The following TOM1L2 variants were observed in gnomAD, a reference collection of about 807,000 sequenced individuals.
TOM1L2 encodes target of myb1 like 2 membrane trafficking protein.
In TOM1L2, 31 loss-of-function variants were observed where a neutral mutation model predicts 67.9. The observed-to-expected ratio is 0.46, with a 90% CI of 0.34 to 0.62. The LOEUF is 0.62. Among genes scored for constraint, TOM1L2 ranks in the 20% least tolerant of loss-of-function variants. The pLI is 0.01. For synonymous variants in TOM1L2, 256 were observed against 254.0 expected, an observed-to-expected ratio of 1.01 and a Z score of -0.07; for missense variants, 606 against 663.5, an observed-to-expected ratio of 0.91 and a Z score of 0.95.
At chr17:17,968,872 A>G (rs1053395260) in intron 1 of TOM1L2, among the ~76,000 whole-genome samples, 6 of 151,682 alleles carry the variant, frequency 4.0e-5, no homozygotes, top group African/African-American at 1.5e-4. Context: ...CAGAGTTCCT[A>G]CCCATCCTTT....
At chr17:17,894,015 T>C (rs892170934) in intron 3 of TOM1L2, among the ~76,000 whole-genome samples, 2 of 152,200 alleles carry the variant, frequency 1.3e-5, no homozygotes, top group African/African-American at 4.8e-5. Context: ...CCTTACTGAC[T>C]GAAGTCTCCT....
At chr17:17,862,565 T>C (rs1327717568) in intron 11 of TOM1L2, 166 bp downstream of exon 11, 3 of 646,160 alleles carry the variant, frequency 4.6e-6, no homozygotes, top group Non-Finnish European at 5.5e-6. Context: ...GGGCAGTTGG[T>C]ATTTATTCAG....
intron 1 of TOM1L2, among the ~76,000 whole-genome samples, chr17:17,920,619 T>C (rs1261558303): frequency 6.8e-6 from 1 of 146,418 alleles, no homozygotes; most frequent in Non-Finnish European, 1.5e-5. Context: ...ATTACAGGAG[T>C]GAGCCACTGC....
At chr17:17,918,109 C>G (rs1290767087) in intron 1 of TOM1L2, among the ~76,000 whole-genome samples, 1 of 151,926 alleles carries the variant, frequency 6.6e-6, no homozygotes, top group East Asian at 1.9e-4. Flanking sequence ...TTTTTAGAGG[C>G]TAGTGTAAAT....
rs544095258 is a variant in TOM1L2 at position 17,963,607 on chromosome 17, G to T, written c.52+8655C>A. On this transcript the variant is annotated intron_variant, in intron 1 of 14. Transcript: ENST00000379504. ...GATAAGTATGCACAGCACTCAGCAA[G>T]GTGCCTGGCACATGGTGAGGGGCCA... 3.3e-4 allele frequency among the ~76,000 whole-genome samples: 51 copies of T among 152,310 alleles called. No homozygotes were observed. In the South Asian group the frequency reaches 0.011, roughly 32 times the overall value.
intron 7 of TOM1L2, among the ~76,000 whole-genome samples, chr17:17,875,546 G>A (rs962549315): frequency 6.6e-6 from 1 of 152,304 alleles, no homozygotes; most frequent in Middle Eastern, 3.4e-3. Context: ...TTTCCTAAAC[G>A]CTGACGACTT....
intron 13 of TOM1L2, among the ~76,000 whole-genome samples, chr17:17,849,583 T>C (rs2035845756): frequency 6.6e-6 from 1 of 152,190 alleles, no homozygotes; most frequent in Non-Finnish European, 1.5e-5. Context: ...GAGAACATGG[T>C]AGTGTCTTGA....
Position 17,879,695 on chromosome 17 carries a change from CTT to C in TOM1L2, c.707_708del (p.Lys236SerfsTer4). 6.2e-7 allele frequency: 1 copy of C among 1,614,220 alleles called. No individual in the cohort carries two copies. Among genetic ancestry groups the C allele is most frequent in the Non-Finnish European group, 8.5e-7 (1 of 1,180,052 alleles). On this transcript the variant is annotated frameshift_variant, in exon 7 of 15. Coordinates refer to ENST00000379504, the MANE Select transcript of TOM1L2 (RefSeq NM_001082968.2). LOFTEE classifies it high-confidence loss of function. ...ATTTCTGTTAACATCTCAGACATGA[CTT>C]TTGTGTTTCCTCGAACGACGTCCAG... ...SELDVVRGNTKVMSEMLTEMV... is the reference protein window; with the variant it reads ...SELDVVRGNTXVMSEMLTEMV...
intron 1 of TOM1L2, among the ~76,000 whole-genome samples, chr17:17,922,302 C>A (rs527562222): frequency 1.3e-5 from 2 of 152,296 alleles, no homozygotes; most frequent in South Asian, 4.1e-4. Context: ...GGGCCAGGGC[C>A]TCGGTGAAGG....
intron 12 of TOM1L2, among the ~76,000 whole-genome samples, chr17:17,857,375 C>T (rs1388613905): frequency 2.6e-5 from 4 of 152,218 alleles, no homozygotes; most frequent in Admixed American, 1.3e-4. Flanking sequence ...CAGAGGGCTT[C>T]CCTGACTGGT....
intron 7 of TOM1L2, among the ~76,000 whole-genome samples, chr17:17,875,667 T>A (rs1040942189): frequency 2.0e-5 from 3 of 152,244 alleles, no homozygotes; most frequent in African/African-American, 7.2e-5. Flanking sequence ...CTCTTTTTTC[T>A]ATCTAATTAA....
chr17:17,848,235 G>T (rs969689701), intron 14 of TOM1L2, among the ~76,000 whole-genome samples: 1 of 152,204 alleles, frequency 6.6e-6, no homozygotes, highest in Admixed American at 6.5e-5. Flanking sequence ...CTGAGAGCTA[G>T]GGAGCAGGGT....
chr17:17,858,885 T>G (rs2036402447), intron 12 of TOM1L2: 2 of 151,466 alleles, frequency 1.3e-5, no homozygotes. Context: ...CCGGCCCTAA[T>G]TTTTGCATTT....
At chr17:17,892,873 T>C (rs1014771956) in intron 4 of TOM1L2, among the ~76,000 whole-genome samples, 2 of 152,148 alleles carry the variant, frequency 1.3e-5, no homozygotes, top group African/African-American at 4.8e-5. Context: ...CTCTTGCCAA[T>C]AGTCATCAAG....
intron 12 of TOM1L2, among the ~76,000 whole-genome samples, chr17:17,854,956 GA>G (rs1420575965): frequency 6.6e-6 from 1 of 152,212 alleles, no homozygotes; most frequent in Non-Finnish European, 1.5e-5. Context: ...TGTGAAGAGA[GA>G]AAAGGAAGGA....
At chr17:17,919,247 T>G (rs988532930) in intron 1 of TOM1L2, among the ~76,000 whole-genome samples, 28 of 152,202 alleles carry the variant, frequency 1.8e-4, no homozygotes, top group African/African-American at 6.5e-4. Context: ...TGACAGAGCC[T>G]CTAATACAGA....
Position 17,852,864 on chromosome 17 carries a change from TAAAAAAAAAAAAA to T in TOM1L2, c.1279-1925_1279-1913del, listed in dbSNP as rs552138706. On this transcript the variant is annotated intron_variant, in intron 12 of 14. Coordinates refer to ENST00000379504, the MANE Select transcript of TOM1L2 (RefSeq NM_001082968.2). The stretch of plus-strand genomic sequence containing the variant: ...TGGGCAACAAGACTGAAACTCTGTC[TAAAAAAAAAAAAA>T]AAAAAAAAAAAAAGAACATTGAATT... 1.9e-4 allele frequency among the ~76,000 whole-genome samples: 7 copies of T among 37,756 alleles called. No homozygotes were observed. The East Asian group carries it at 4.6e-3, about 25-fold the overall frequency. The allele number at this position is 37,756 out of a possible 152,430, so 24.8% of individuals were successfully genotyped here.
At chr17:17,905,010 G>T (rs996796960) in intron 2 of TOM1L2, among the ~76,000 whole-genome samples, 1 of 151,970 alleles carries the variant, frequency 6.6e-6, no homozygotes, top group Non-Finnish European at 1.5e-5. Flanking sequence ...ACCCCTGGGG[G>T]TCAGTAAACA....
intron 10 of TOM1L2, chr17:17,863,260 C>A (rs918589804): frequency 5.7e-6 from 1 of 175,090 alleles, no homozygotes; most frequent in Admixed American, 5.9e-5. Context: ...AGAGCTAGAT[C>A]TTGAGTAGAC....
Sources: gnomAD v4.1 joint callset for allele counts (sites outside exome capture counted in the v4.1 genomes callset) on GRCh38, gnomAD v4.1.1 for gene constraint, MANE v1.5 for transcripts, NCBI Gene and HGNC (gene_info 2026-07-23, HGNC 2026-07-21) for gene names.